Variants in CLXN observed in about 807,000 individuals in gnomAD.
The protein encoded by CLXN is calaxin, also known as EF-hand calcium binding domain 1.
chr8:48,726,809 T>C, the CLXN span, among the ~76,000 whole-genome samples: 76 of 140,200 alleles, frequency 5.4e-4, no homozygotes, highest in African/African-American at 1.9e-3. Flanking sequence ...TCATCATCCA[T>C]CCATCCATCC....
chr8:48,735,227 C>G, the CLXN span: 131 of 1,558,380 alleles, frequency 8.4e-5, 1 homozygote, highest in African/African-American at 1.5e-3. Flanking sequence ...GGGACCCCCG[C>G]GAGCCCTGGT....
At chr8:48,720,489 A>C in the CLXN span, among the ~76,000 whole-genome samples, 1 of 152,164 alleles carries the variant, frequency 6.6e-6, no homozygotes, top group African/African-American at 2.4e-5. Flanking sequence ...GGTCTCCTGC[A>C]GTACTCCTCA....
At chr8:48,732,376 T>C in the CLXN span, among the ~76,000 whole-genome samples, 4 of 152,144 alleles carry the variant, frequency 2.6e-5, no homozygotes, top group African/African-American at 7.2e-5. Context: ...GAAGACAGCA[T>C]CTAGGAATGG....
chr8:48,725,647 A>C, the CLXN span, among the ~76,000 whole-genome samples: 1 of 151,970 alleles, frequency 6.6e-6, no homozygotes, highest in Non-Finnish European at 1.5e-5. Context: ...CTACTAAAAA[A>C]TATAAAATTA....
At chr8:48,716,018 G>C in the CLXN span, 1 of 152,476 alleles carries the variant, frequency 6.6e-6, no homozygotes, top group African/African-American at 2.4e-5. Context: ...GCACTGTGGA[G>C]CAGGGGGCAG....
chr8:48,715,431 G>GTCC, the CLXN span: 4 of 152,192 alleles, frequency 2.6e-5, no homozygotes, highest in Non-Finnish European at 5.9e-5. Context: ...AAGGACAGCT[G>GTCC]TATATAAAAG....
chr8:48,717,206 C>T, the CLXN span, among the ~76,000 whole-genome samples: 1 of 152,046 alleles, frequency 6.6e-6, no homozygotes, highest in Admixed American at 6.6e-5. Flanking sequence ...ATAGGGTCAA[C>T]CCCAAGAAGG....
At chr8:48,735,001 C>T in the CLXN span, 4 of 1,431,962 alleles carry the variant, frequency 2.8e-6, no homozygotes, top group Admixed American at 1.9e-5. Flanking sequence ...TCCCAGCAGG[C>T]GGGAAGCAGG....
At chr8:48,712,700 C>T in the CLXN span, among the ~76,000 whole-genome samples, 1 of 152,028 alleles carries the variant, frequency 6.6e-6, no homozygotes, top group East Asian at 1.9e-4. Flanking sequence ...ATTACTTTCC[C>T]ACGAAACTGA....
At chr8:48,727,256 A>G in the CLXN span, among the ~76,000 whole-genome samples, 2 of 137,470 alleles carry the variant, frequency 1.5e-5, no homozygotes, top group Non-Finnish European at 3.1e-5. Context: ...CCATCCATCC[A>G]TCTCTCATTA....
chr8:48,713,299 C>A, the CLXN span, among the ~76,000 whole-genome samples: 1 of 152,100 alleles, frequency 6.6e-6, no homozygotes, highest in African/African-American at 2.4e-5. Flanking sequence ...TATTATGTAT[C>A]TTTTGTAGTC....
the CLXN span, among the ~76,000 whole-genome samples, chr8:48,714,167 C>A: frequency 2.6e-5 from 4 of 152,160 alleles, no homozygotes; most frequent in East Asian, 7.7e-4. Flanking sequence ...GCCTAGCAGT[C>A]GGGAGGTGAG....
the CLXN span, among the ~76,000 whole-genome samples, chr8:48,721,990 T>C: frequency 6.6e-6 from 1 of 152,078 alleles, no homozygotes; most frequent in Admixed American, 6.5e-5. Flanking sequence ...TAATCAACAG[T>C]GAAAAGGCAA....
At chr8:48,718,744 T>A in the CLXN span, among the ~76,000 whole-genome samples, 2 of 151,992 alleles carry the variant, frequency 1.3e-5, no homozygotes, top group Non-Finnish European at 2.9e-5. Flanking sequence ...AATTTAAAAA[T>A]TATCTCAAGA....
the CLXN span, chr8:48,735,182 G>T: frequency 6.2e-7 from 1 of 1,612,894 alleles, no homozygotes; most frequent in Admixed American, 1.7e-5. Flanking sequence ...GGCCGCGGCG[G>T]GGGTCTCTGG....
the CLXN span, chr8:48,713,672 G>C: frequency 6.6e-6 from 1 of 152,130 alleles, no homozygotes; most frequent in Non-Finnish European, 1.5e-5. Flanking sequence ...AATGGGGTTA[G>C]GGCAGGGACA....
chr8:48,713,347 T>C, the CLXN span, among the ~76,000 whole-genome samples: 1 of 152,184 alleles, frequency 6.6e-6, no homozygotes, highest in Non-Finnish European at 1.5e-5. Context: ...CTCCCTTGGT[T>C]GCACTTGATG....
At chr8:48,734,026 AT>A in the CLXN span, among the ~76,000 whole-genome samples, 5 of 152,112 alleles carry the variant, frequency 3.3e-5, no homozygotes, top group South Asian at 2.1e-4. Flanking sequence ...AAATTACAGG[AT>A]TTTTTTCCTA....
At chr8:48,729,266 T>C in the CLXN span, 4 of 777,508 alleles carry the variant, frequency 5.1e-6, no homozygotes, top group South Asian at 7.5e-5. Flanking sequence ...GGCTCAGGCC[T>C]GTAATCATAG....
Sources: allele counts gnomAD v4.1 joint callset (sites outside exome capture counted in the v4.1 genomes callset), GRCh38; gene constraint gnomAD v4.1.1; transcripts MANE v1.5; gene names NCBI Gene and HGNC (gene_info 2026-07-23, HGNC 2026-07-21).